Variants in GTF2E2 observed in about 807,000 individuals in gnomAD.
GTF2E2 encodes transcription initiation factor IIE subunit beta.
Under a neutral mutation model 40.5 loss-of-function variants are expected in GTF2E2, and 21 were observed. The ratio of observed to expected loss-of-function variants is 0.52; its 90% confidence interval spans 0.37 to 0.75. The LOEUF is 0.75. Among genes scored for constraint, GTF2E2 ranks in the 30% least tolerant of loss-of-function variants. GTF2E2 has a pLI of 0.00. For synonymous variants in GTF2E2, 117 were observed against 121.6 expected (o/e 0.96, Z 0.25); for missense variants, 298 against 338.4 (o/e 0.88, Z 0.94).
intron 2 of GTF2E2, among the ~76,000 whole-genome samples, chr8:30,640,315 G>A (rs1801768656): frequency 6.6e-6 from 1 of 152,102 alleles, no homozygotes; most frequent in African/African-American, 2.4e-5. Context: ...ATTCTCATCT[G>A]GCAACCCAAA....
At chr8:30,608,614 C>A (rs1187348519) in intron 5 of GTF2E2, among the ~76,000 whole-genome samples, 1 of 152,114 alleles carries the variant, frequency 6.6e-6, no homozygotes, top group African/African-American at 2.4e-5. Flanking sequence ...AACCCAAATC[C>A]CAAAATCTCG....
chr8:30,639,009 G>C (rs1313603010), intron 2 of GTF2E2, among the ~76,000 whole-genome samples: 1 of 152,098 alleles, frequency 6.6e-6, no homozygotes, highest in Non-Finnish European at 1.5e-5. Context: ...TTTTCTTAAA[G>C]AAAAACCCAG....
chr8:30,599,794 C>A (rs1829122583), intron 6 of GTF2E2, among the ~76,000 whole-genome samples: 1 of 152,062 alleles, frequency 6.6e-6, no homozygotes. Flanking sequence ...ACCATCCTGG[C>A]CAACACTGTG....
chr8:30,607,223 C>T (rs182864852), intron 5 of GTF2E2, 73 bp from the exon 6 acceptor site: 165 of 595,648 alleles, frequency 2.8e-4, no homozygotes, highest in East Asian at 2.9e-4. Context: ...AAAATTTAAA[C>T]AATAAAGGAG....
chr8:30,604,122 AG>A, intron 6 of GTF2E2, among the ~76,000 whole-genome samples: 1 of 152,238 alleles, frequency 6.6e-6, no homozygotes, highest in African/African-American at 2.4e-5. Context: ...AGGGGGGGAG[AG>A]GAAGAAAAAC....
At chr8:30,645,817 G>T in intron 2 of GTF2E2, 1 of 465,804 alleles carries the variant, frequency 2.1e-6, no homozygotes, top group Non-Finnish European at 3.8e-6. Flanking sequence ...TTACTAATCT[G>T]TTTAATACTG....
At chr8:30,609,161 G>A (rs1829408433) in intron 5 of GTF2E2, among the ~76,000 whole-genome samples, 1 of 151,806 alleles carries the variant, frequency 6.6e-6, no homozygotes, top group South Asian at 2.1e-4. Flanking sequence ...AGCTACTTGG[G>A]AGGCTGAGAC....
At chr8:30,613,454 T>C (rs1800800140) in intron 4 of GTF2E2, among the ~76,000 whole-genome samples, 1 of 152,228 alleles carries the variant, frequency 6.6e-6, no homozygotes, top group Non-Finnish European at 1.5e-5. Context: ...CAACCCTATA[T>C]ATTTTCTTCT....
intron 2 of GTF2E2, among the ~76,000 whole-genome samples, chr8:30,642,182 A>G (rs1281200528): frequency 6.6e-6 from 1 of 152,064 alleles, no homozygotes; most frequent in Admixed American, 6.6e-5. Flanking sequence ...TATTAGGCTA[A>G]CGTTTTGTAT....
chr8:30,613,812 A>C (rs546859941), intron 4 of GTF2E2, among the ~76,000 whole-genome samples: 1 of 152,248 alleles, frequency 6.6e-6, no homozygotes, highest in African/African-American at 2.4e-5. Context: ...TTTTCACTTC[A>C]TATTTTAAAG....
intron 7 of GTF2E2, 65 bp downstream of exon 7, chr8:30,580,216 G>C (rs971158033): frequency 1.1e-6 from 1 of 889,508 alleles, no homozygotes; most frequent in African/African-American, 1.6e-5. Context: ...TCAGAGGGCA[G>C]AAAGCGGAGC....
intron 7 of GTF2E2, among the ~76,000 whole-genome samples, chr8:30,580,025 C>G (rs545864227): frequency 6.6e-6 from 1 of 152,132 alleles, no homozygotes; most frequent in East Asian, 1.9e-4. Flanking sequence ...AACACACAGG[C>G]CCTGGAAGGT....
At chr8:30,606,099 G>C (rs1829308935) in intron 6 of GTF2E2, among the ~76,000 whole-genome samples, 2 of 152,226 alleles carry the variant, frequency 1.3e-5, no homozygotes, top group Non-Finnish European at 2.9e-5. Flanking sequence ...ACAATGGATA[G>C]CATAAGTTCA....
At chr8:30,616,812 A>G (rs1358714877) in intron 3 of GTF2E2, among the ~76,000 whole-genome samples, 4 of 152,192 alleles carry the variant, frequency 2.6e-5, no homozygotes, top group African/African-American at 9.7e-5. Flanking sequence ...TGCTCTAAAA[A>G]AAAAAGTGTT....
intron 6 of GTF2E2, among the ~76,000 whole-genome samples, chr8:30,583,151 T>C (rs1426938182): frequency 6.6e-6 from 1 of 152,060 alleles, no homozygotes; most frequent in Non-Finnish European, 1.5e-5. Context: ...CTGGCCAACA[T>C]GGTGAAACTG....
At chr8:30,599,187 T>C (rs1829098264) in intron 6 of GTF2E2, among the ~76,000 whole-genome samples, 1 of 152,150 alleles carries the variant, frequency 6.6e-6, no homozygotes, top group Non-Finnish European at 1.5e-5. Flanking sequence ...TTTTCAAAAA[T>C]ATGTCTATCT....
At chr8:30,590,201 G>A (rs535039722) in intron 6 of GTF2E2, among the ~76,000 whole-genome samples, 35 of 152,132 alleles carry the variant, frequency 2.3e-4, no homozygotes, top group Non-Finnish European at 4.0e-4. Flanking sequence ...TGTCCCTTTC[G>A]AATCTGGCTT....
At chr8:30,656,453 T>C (rs1445009080) in intron 1 of GTF2E2, among the ~76,000 whole-genome samples, 2 of 152,104 alleles carry the variant, frequency 1.3e-5, no homozygotes, top group African/African-American at 4.8e-5. Flanking sequence ...AGGAAACATT[T>C]GTGTCTTATT....
chr8:30,599,593 A>AC (rs367636344), intron 6 of GTF2E2, among the ~76,000 whole-genome samples: 1 of 151,864 alleles, frequency 6.6e-6, no homozygotes, highest in East Asian at 1.9e-4. Flanking sequence ...AAAAAAAAAA[A>AC]AAACTTCCCA....
Sources: gnomAD v4.1 joint callset for allele counts (sites outside exome capture counted in the v4.1 genomes callset) on GRCh38, gnomAD v4.1.1 for gene constraint, MANE v1.5 for transcripts, NCBI Gene and HGNC (gene_info 2026-07-23, HGNC 2026-07-21) for gene names.